RPL26L1: variants seen among roughly 807,000 people sequenced by gnomAD.
RPL26L1 encodes the protein ribosomal protein uL24-like.
Under a neutral mutation model 15.2 loss-of-function variants are expected in RPL26L1, and 8 were observed. That is an observed-to-expected ratio of 0.53 (90% CI 0.31 to 0.95). RPL26L1 has a LOEUF of 0.95. RPL26L1 is among the 40% of genes least tolerant of loss of function. The probability of loss-of-function intolerance (pLI) is 0.05; values close to 1 mark genes in which losing one functional copy is unlikely to be tolerated. For synonymous variants in RPL26L1, 51 were observed against 65.9 expected (o/e 0.77, Z 1.09); for missense variants, 146 against 190.9 (o/e 0.76, Z 1.39).
chr5:172,954,415 C>G (rs1764306155), upstream of RPL26L1, among the ~76,000 whole-genome samples: 1 of 115,132 alleles, frequency 8.7e-6, no homozygotes, highest in Admixed American at 1.1e-4. Flanking sequence ...AGAAAAAATA[C>G]AAAAATTAGT....
chr5:172,967,816 TACATATATGTATGTATG>T (rs1197915131), intron 2 of RPL26L1, among the ~76,000 whole-genome samples: 1 of 150,750 alleles, frequency 6.6e-6, no homozygotes, highest in South Asian at 2.1e-4. Flanking sequence ...GACATATAAG[TACATATATGTATGTATG>T]ACATATATGT....
chr5:172,957,428 AC>A (rs1755012582), upstream of RPL26L1: 1 of 362,680 alleles, frequency 2.8e-6, no homozygotes, highest in Non-Finnish European at 5.5e-6. Context: ...GCTTTCCTTC[AC>A]CAGTGAGGCT....
intron 2 of RPL26L1, among the ~76,000 whole-genome samples, chr5:172,967,700 TTATATA>T (rs1490428276): frequency 6.6e-6 from 1 of 151,722 alleles, no homozygotes; most frequent in African/African-American, 2.4e-5. Flanking sequence ...TTACCAATAT[TTATATA>T]TATATTTTAT....
Position 172,959,835 on chromosome 5 carries a change from C to T in RPL26L1, c.-9-30C>T, listed in dbSNP as rs761803135. 6 of 1,612,124 alleles carry T rather than the reference C, an allele frequency of 3.7e-6. No individual in the cohort carries two copies. In the South Asian group the frequency reaches 6.6e-5, roughly 18 times the overall value. Reference sequence around the variant, plus strand: ...GGCCCCTGTAACCCACTGAGCGCCCCTTCATTCCGTCTCTCTCCGCCCTTT... The same window carrying T: ...GGCCCCTGTAACCCACTGAGCGCCCTTTCATTCCGTCTCTCTCCGCCCTTT... On this transcript the variant is annotated intron_variant, in intron 1 of 3. Transcript: ENST00000265100.
upstream of RPL26L1, chr5:172,958,841 G>A (rs1235843821): frequency 1.1e-5 from 2 of 183,102 alleles, no homozygotes; most frequent in African/African-American, 4.7e-5. Context: ...GACTGGATGA[G>A]AGGGGCGGGG....
chr5:172,957,001 C>A, upstream of RPL26L1: 1 of 343,976 alleles, frequency 2.9e-6, no homozygotes, highest in Non-Finnish European at 5.7e-6. Context: ...TCCCATTTTT[C>A]AGATGGGAAT....
upstream of RPL26L1, among the ~76,000 whole-genome samples, chr5:172,954,517 G>C (rs2113508837): frequency 6.6e-6 from 1 of 152,104 alleles, no homozygotes; most frequent in East Asian, 1.9e-4. Flanking sequence ...GGAGGCTGCA[G>C]TGAACCAAGA....
intron 3 of RPL26L1, among the ~76,000 whole-genome samples, chr5:172,968,964 C>T (rs931754248): frequency 9.2e-5 from 14 of 151,856 alleles, no homozygotes; most frequent in East Asian, 7.8e-4. Context: ...CACACCACCA[C>T]GCCCAGCTAA....
At chr5:172,958,183 G>A (rs1755045622), upstream of RPL26L1, 1 of 360,114 alleles carries the variant, frequency 2.8e-6, no homozygotes, top group East Asian at 7.5e-5. Flanking sequence ...AGAATCGCTT[G>A]AACTTGGGAG....
chr5:172,961,001 C>T (rs1285261243), intron 2 of RPL26L1, among the ~76,000 whole-genome samples: 3 of 152,106 alleles, frequency 2.0e-5, no homozygotes, highest in Non-Finnish European at 4.4e-5. Flanking sequence ...CACTCCCTCC[C>T]TTCACAGTTG....
At chr5:172,958,288 A>C, upstream of RPL26L1, 1 of 390,572 alleles carries the variant, frequency 2.6e-6, no homozygotes, top group Non-Finnish European at 5.1e-6. Flanking sequence ...AAAAAAATCT[A>C]GTATTAGTAA....
At chr5:172,966,313 A>ATTTTTTTTTTTTTTTTTTT (rs386405707) in intron 2 of RPL26L1, among the ~76,000 whole-genome samples, 1 of 63,664 alleles carries the variant, frequency 1.6e-5, no homozygotes, top group Non-Finnish European at 2.7e-5. Flanking sequence ...CTGGCTAACT[A>ATTTTTTTTTTTTTTTTTTT]TTTTTTTTTT....
upstream of RPL26L1, chr5:172,955,858 T>A (rs529655435): frequency 6.6e-6 from 1 of 152,318 alleles, no homozygotes; most frequent in South Asian, 2.1e-4. Context: ...GTCACACAGT[T>A]AGTAAAGATG....
upstream of RPL26L1, chr5:172,957,218 CAA>C (rs1031223480): frequency 1.1e-5 from 5 of 456,298 alleles, no homozygotes; most frequent in Admixed American, 7.0e-5. Flanking sequence ...GGGCATGAGA[CAA>C]GACAGCCAGT....
chr5:172,959,867 G>A lies in RPL26L1; in HGVS notation c.-7G>A, dbSNP rs377155734. ...CCGTCTCTCTCCGCCCTTTGTAGAG[G>A]GTCACCATGAAGTTCAATCCCTTCG... On this transcript the variant is annotated splice_region_variant and 5_prime_UTR_variant, in exon 2 of 4. Transcript: ENST00000265100. 6.8e-6 allele frequency: 11 copies of A among 1,613,848 alleles called. No homozygotes were observed. Among genetic ancestry groups the A allele is most frequent in the Non-Finnish European group, 9.3e-6 (11 of 1,179,956 alleles).
rs183181547 is a variant in RPL26L1, at chr5:172,964,580, C to G, written c.169-3879C>G. 5.0e-3 allele frequency among the ~76,000 whole-genome samples: 764 copies of G among 152,318 alleles called. 8 individuals carry two copies. Among genetic ancestry groups the G allele is most frequent in the African/African-American group, 0.017 (722 of 41,564 alleles). The stretch of plus-strand genomic sequence containing the variant: ...GGATTACAGGCGTGAGCCACCACGC[C>G]CGGCTGCCTGTTGCCATTTTTTGAA... On this transcript the variant is annotated intron_variant, in intron 2 of 3. Coordinates refer to ENST00000265100, the MANE Select transcript of RPL26L1 (RefSeq NM_016093.4).
At chr5:172,958,659 G>T, upstream of RPL26L1, 1 of 275,540 alleles carries the variant, frequency 3.6e-6, no homozygotes, top group South Asian at 3.1e-5. Context: ...TACACCCAGG[G>T]TCCGCGCAAA....
At chr5:172,954,602 A>C (rs1266392728), upstream of RPL26L1, among the ~76,000 whole-genome samples, 1 of 151,246 alleles carries the variant, frequency 6.6e-6, no homozygotes, top group Non-Finnish European at 1.5e-5. Flanking sequence ...AGAGGGAGGG[A>C]GGGAGAGAGG....
At chr5:172,959,297 GCCCT>G, upstream of RPL26L1, 4 of 885,578 alleles carry the variant, frequency 4.5e-6, no homozygotes, top group Non-Finnish European at 5.5e-6. Context: ...CACTGGCATC[GCCCT>G]CCCGGGGCCG....
Sources: gnomAD v4.1 joint callset for allele counts (sites outside exome capture counted in the v4.1 genomes callset) on GRCh38, gnomAD v4.1.1 for gene constraint, MANE v1.5 for transcripts, NCBI Gene and HGNC (gene_info 2026-07-23, HGNC 2026-07-21) for gene names.